Variants in NPEPPS observed in about 807,000 individuals in gnomAD.
NPEPPS encodes puromycin-sensitive aminopeptidase.
NPEPPS carries 14 observed loss-of-function variants against 115.5 expected under a neutral mutation model. That is an observed-to-expected ratio of 0.12 (90% CI 0.08 to 0.19). NPEPPS has a LOEUF of 0.19. Among genes scored for constraint, NPEPPS ranks in the 10% least tolerant of loss-of-function variants. NPEPPS has a pLI of 1.00. For missense variants in NPEPPS, 523 were observed against 1,110.8 expected (o/e 0.47, Z 7.52); for synonymous variants, 285 against 390.6 (o/e 0.73, Z 3.19).
At chr17:47,555,417 G>A (rs891511414) in intron 2 of NPEPPS, among the ~76,000 whole-genome samples, 1 of 143,122 alleles carries the variant, frequency 7.0e-6, no homozygotes, top group Admixed American at 7.3e-5. Context: ...GCATGATTTT[G>A]GCTCGCCGTA....
upstream of NPEPPS, among the ~76,000 whole-genome samples, chr17:47,530,351 GTTTTTT>G (rs58886094): frequency 7.2e-5 from 7 of 97,814 alleles, no homozygotes; most frequent in Non-Finnish European, 9.7e-5. Flanking sequence ...ATTATTAAAG[GTTTTTT>G]TTTTTTTTTT....
Position 47,612,458 on chromosome 17 carries a change from A to G in NPEPPS, c.2096-2A>G. On this transcript the variant is annotated splice_acceptor_variant, in intron 17 of 22. Coordinates refer to ENST00000322157, the MANE Select transcript of NPEPPS (RefSeq NM_006310.4). LOFTEE classifies it high-confidence loss of function. The stretch of plus-strand genomic sequence containing the variant: ...TTATGTCTCTTTTACTTCTCAAATC[A>G]GGTCATCTCGATGCACTCCTGAGGG... 1.2e-6 allele frequency: 2 copies of G among 1,613,550 alleles called. No homozygotes were observed. The highest frequency in any genetic ancestry group is 1.7e-6 in the Non-Finnish European group (2 of 1,179,728).
intron 1 of NPEPPS, among the ~76,000 whole-genome samples, chr17:47,525,637 C>T (rs1907401504): frequency 6.6e-6 from 1 of 152,150 alleles, no homozygotes; most frequent in South Asian, 2.1e-4. Context: ...GGCATGGTGC[C>T]TAGCCTAGTG....
chr17:47,560,818 T>TA (rs888618473), intron 2 of NPEPPS, among the ~76,000 whole-genome samples: 13 of 152,284 alleles, frequency 8.5e-5, no homozygotes, highest in African/African-American at 3.1e-4. Flanking sequence ...GCTATCTGAA[T>TA]AAAAAAACAA....
intron 1 of NPEPPS, among the ~76,000 whole-genome samples, chr17:47,532,396 C>T (rs898661108): frequency 3.9e-5 from 6 of 152,100 alleles, no homozygotes; most frequent in African/African-American, 7.2e-5. Context: ...TGGCTCATGC[C>T]TGTAATCCCA....
At chr17:47,606,180 A>G (rs1410518983) in intron 17 of NPEPPS, among the ~76,000 whole-genome samples, 1 of 152,126 alleles carries the variant, frequency 6.6e-6, no homozygotes, top group East Asian at 1.9e-4. Context: ...ACCTTTATGT[A>G]TAACTTGTAA....
intron 22 of NPEPPS, 54 bp downstream of exon 22, chr17:47,619,838 AAC>A: frequency 7.6e-7 from 1 of 1,316,060 alleles, no homozygotes; most frequent in Non-Finnish European, 1.1e-6. Flanking sequence ...TAAAAACAAT[AAC>A]CTGGTTGTAA....
intron 2 of NPEPPS, among the ~76,000 whole-genome samples, chr17:47,553,941 G>A (rs916731886): frequency 1.3e-5 from 2 of 151,644 alleles, no homozygotes; most frequent in Admixed American, 1.3e-4. Context: ...TAGTAGAGAC[G>A]GGGTTTCATC....
At chr17:47,584,928 C>T (rs1030312069) in intron 5 of NPEPPS, among the ~76,000 whole-genome samples, 1 of 152,090 alleles carries the variant, frequency 6.6e-6, no homozygotes, top group Non-Finnish European at 1.5e-5. Flanking sequence ...CCCTAGTTCA[C>T]GACATTCTCC....
chr17:47,555,647 A>G (rs1909955020), intron 2 of NPEPPS, among the ~76,000 whole-genome samples: 1 of 151,754 alleles, frequency 6.6e-6, no homozygotes, highest in Admixed American at 6.6e-5. Context: ...GCGCCCGGCC[A>G]TGTATGCTGT....
chr17:47,579,668 T>A (rs1437493870), intron 4 of NPEPPS, 157 bp downstream of exon 4: 8 of 529,772 alleles, frequency 1.5e-5, no homozygotes, highest in Admixed American at 1.3e-4. Context: ...AGCCATTATC[T>A]CTATAGAAAG....
intron 17 of NPEPPS, among the ~76,000 whole-genome samples, chr17:47,610,401 G>GA (rs1349434650): frequency 1.3e-5 from 2 of 150,664 alleles, no homozygotes; most frequent in Non-Finnish European, 3.0e-5. Flanking sequence ...TTTTGGGGGG[G>GA]GGTAACAGAG....
rs1016592685 is a variant in NPEPPS, at chr17:47,550,411, A to G, written c.340+4418A>G. 3.4e-4 allele frequency among the ~76,000 whole-genome samples: 49 copies of G among 145,556 alleles called. 1 individual carries two copies. Among genetic ancestry groups the G allele is most frequent in the African/African-American group, 1.2e-3 (46 of 39,508 alleles). On this transcript the variant is annotated intron_variant, in intron 2 of 22. Transcript: ENST00000322157. ...GGCGCAATGTCGGCTCACTGCAACTAGTAGAACTTACTTTTTTTTTTTTTG... is the reference window on the plus strand; with the variant it reads ...GGCGCAATGTCGGCTCACTGCAACTGGTAGAACTTACTTTTTTTTTTTTTG...
intron 2 of NPEPPS, among the ~76,000 whole-genome samples, chr17:47,555,307 CTGAT>C (rs928271572): frequency 1.3e-5 from 2 of 149,924 alleles, no homozygotes; most frequent in Non-Finnish European, 1.5e-5. Context: ...AGAGAAAACA[CTGAT>C]TGCATAATGT....
chr17:47,596,200 G>T (rs1213405812), intron 12 of NPEPPS, 153 bp from the exon 13 acceptor site: 6 of 531,700 alleles, frequency 1.1e-5, no homozygotes, highest in Non-Finnish European at 2.0e-5. Context: ...GCAGAAGAGG[G>T]GTGGCAAGGG....
intron 17 of NPEPPS, among the ~76,000 whole-genome samples, chr17:47,612,166 T>C (rs1913911227): frequency 6.6e-6 from 1 of 152,232 alleles, no homozygotes; most frequent in African/African-American, 2.4e-5. Flanking sequence ...TTTTCACACA[T>C]AATCCTTAGC....
chr17:47,592,385 T>C (rs1358563164), intron 11 of NPEPPS, 100 bp from the exon 12 acceptor site: 7 of 1,129,328 alleles, frequency 6.2e-6, no homozygotes, highest in Admixed American at 4.4e-5. Flanking sequence ...TATCTGATAC[T>C]TGAGTATTTG....
At chr17:47,530,092 A>G (rs1031882394), upstream of NPEPPS, among the ~76,000 whole-genome samples, 396 of 89,376 alleles carry the variant, frequency 4.4e-3, 4 homozygotes, top group Middle Eastern at 0.024. Flanking sequence ...GCCCGCCACC[A>G]AGCCCGGCTA....
At chr17:47,530,218 C>T (rs1021734028), upstream of NPEPPS, among the ~76,000 whole-genome samples, 71 of 149,260 alleles carry the variant, frequency 4.8e-4, no homozygotes, top group African/African-American at 1.7e-3. Context: ...GCTGGGATTA[C>T]AGGCGTGAGC....
Sources: gnomAD v4.1 joint callset for allele counts (sites outside exome capture counted in the v4.1 genomes callset) on GRCh38, gnomAD v4.1.1 for gene constraint, MANE v1.5 for transcripts, NCBI Gene and HGNC (gene_info 2026-07-23, HGNC 2026-07-21) for gene names.